The following RNF212 variants were observed in gnomAD, a reference collection of about 807,000 sequenced individuals.
The protein encoded by RNF212 is ring finger protein 212.
In RNF212, 33 loss-of-function variants were observed where a neutral mutation model predicts 34.7. That is an observed-to-expected ratio of 0.95 (90% CI 0.72 to 1.27). The LOEUF is 1.27. RNF212 is among the 50% of genes most tolerant of loss of function. The pLI is 0.00. For synonymous variants in RNF212, 140 were observed against 136.1 expected (o/e 1.03, Z -0.20); for missense variants, 377 against 362.2 (o/e 1.04, Z -0.33).
chr4:1,093,558 G>A lies in RNF212; in HGVS notation c.247-2720C>T, dbSNP rs571602615. ...GCCTGTGACCTCCACGGCCCATGCC[G>A]GAAGCCTGAGAGGCACGAGAGGCAG... On this transcript the variant is annotated intron_variant, in intron 3 of 9. Coordinates refer to ENST00000433731, the MANE Select transcript of RNF212 (RefSeq NM_001131034.4). The A allele has an allele frequency of 2.3e-5, 35 of 1,535,970 alleles. No homozygotes were observed. In the African/African-American group the frequency reaches 3.0e-4, roughly 13 times the overall value.
intron 2 of RNF212, 26 bp from the exon 3 acceptor site, chr4:1,096,865 A>C: frequency 6.5e-7 from 1 of 1,532,212 alleles, no homozygotes; most frequent in Non-Finnish European, 9.1e-7. Context: ...ATGACTCTAC[A>C]TTTATTGTGT....
rs1157659488 is a variant in RNF212 at position 1,090,849 on chromosome 4, C to G, written c.247-11G>C. On this transcript the variant is annotated splice_polypyrimidine_tract_variant and intron_variant, in intron 3 of 9. Coordinates refer to ENST00000433731, the MANE Select transcript of RNF212 (RefSeq NM_001131034.4). ...TTGAAATTCTAAAATCTGAAAAGAT[C>G]ATAGGTTTCAGCTGCTGACACAGAT... 1.9e-6 allele frequency: 3 copies of G among 1,568,682 alleles called. No individual in the cohort carries two copies. Among genetic ancestry groups the G allele is most frequent in the Admixed American group, 3.3e-5 (2 of 59,790 alleles).
intron 3 of RNF212, among the ~76,000 whole-genome samples, chr4:1,094,801 C>T (rs556570196): frequency 2.0e-5 from 3 of 152,258 alleles, no homozygotes; most frequent in South Asian, 2.1e-4. Flanking sequence ...GAGATTCTAA[C>T]GTGTGAATAT....
Position 1,073,622 on chromosome 4 carries a change from C to T in RNF212, c.551G>A (p.Ser184Asn), listed in dbSNP as rs746179974. The change falls in exon 9 of 10, where the codon AGT becomes AAT. Residue 184 changes from serine (S) to asparagine (N), a missense_variant. By Grantham distance (46) the Ser-to-Asn change is conservative. Transcript: ENST00000433731. ...ACCCATTCGTCCATCTTGAGGTGGA[C>T]TAATCATGGAGATTCTCGCAGGGCC... is the stretch of plus-strand genomic sequence containing the variant. ...AAGPARISMI[S>N]PPQDGRMGPH... 3 of 1,611,846 alleles carry T rather than the reference C, an allele frequency of 1.9e-6. No individual in the cohort carries two copies. Among genetic ancestry groups the T allele is most frequent in the Admixed American group, 3.3e-5 (2 of 59,956 alleles).
At chr4:1,081,529 T>C (rs2153043347) in intron 6 of RNF212, 38 bp downstream of exon 6, 2 of 1,604,404 alleles carry the variant, frequency 1.2e-6, no homozygotes, top group Non-Finnish European at 1.7e-6. Flanking sequence ...GCAACATGCA[T>C]CTCTATTTTG....
intron 8 of RNF212, among the ~76,000 whole-genome samples, chr4:1,076,941 G>A (rs1719401904): frequency 6.6e-6 from 1 of 152,148 alleles, no homozygotes; most frequent in Admixed American, 6.5e-5. Context: ...TTACTATCTG[G>A]CCCTTTACAA....
chr4:1,058,487 G>A (rs1717509722), intron 3 of RNF212: 1 of 453,358 alleles, frequency 2.2e-6, no homozygotes, highest in Non-Finnish European at 2.9e-6. Flanking sequence ...GAGCTTCTCC[G>A]TAGCTGTCAC....
chr4:1,101,233 C>T, intron 2 of RNF212: 1 of 317,750 alleles, frequency 3.1e-6, no homozygotes, highest in Non-Finnish European at 6.2e-6. Flanking sequence ...CTCTACACAC[C>T]CCATCTTCCT....
In RNF212 at chr4:1,060,114, GAAA is replaced by G. The variant is rs1291731669; in HGVS notation, n.148-1724_148-1722del. On this transcript the variant is annotated intron_variant and non_coding_transcript_variant, in intron 3 of 4. Transcript: ENST00000503206. ...AACTCCATCAAAAAAAAAAAAAAAA[GAAA>G]AAAGAAATTGTTTCCTATTTACTCA... Among the ~76,000 whole-genome samples the G allele has an allele frequency of 4.6e-3, 63 of 13,834 alleles. 1 individual carries two copies. Among genetic ancestry groups the G allele is most frequent in the Middle Eastern group, 0.033 (1 of 30 alleles). The allele number at this position is 13,834 out of a possible 152,430, so 9.1% of individuals were successfully genotyped here. A position where few individuals can be genotyped will look rare whatever the true frequency, so the allele number is the denominator to read the frequency against.
intron 6 of RNF212, 32 bp downstream of exon 6, chr4:1,081,535 T>A (rs768556013): frequency 6.2e-7 from 1 of 1,607,584 alleles, no homozygotes; most frequent in East Asian, 2.2e-5. Flanking sequence ...TGCATCTCTA[T>A]TTTGTTCTCT....
At chr4:1,094,045 AG>A in intron 3 of RNF212, 10 of 1,359,744 alleles carry the variant, frequency 7.4e-6, no homozygotes, top group Non-Finnish European at 9.7e-6. Context: ...TTCAGAAGCA[AG>A]GAAGCTCCCA....
At chr4:1,067,947 G>A (rs1358389937), downstream of RNF212, among the ~76,000 whole-genome samples, 3 of 151,740 alleles carry the variant, frequency 2.0e-5, no homozygotes, top group African/African-American at 7.3e-5. Context: ...AAATTGCTGA[G>A]GATTCTTGAG....
intron 8 of RNF212, 100 bp downstream of exon 8, chr4:1,079,543 T>A (rs1294638045): frequency 1.2e-6 from 1 of 839,512 alleles, no homozygotes; most frequent in Non-Finnish European, 2.1e-6. Context: ...GCAAAGTCTG[T>A]CTACTGTTGC....
intron 3 of RNF212, among the ~76,000 whole-genome samples, chr4:1,065,616 C>T (rs544444207): frequency 3.3e-5 from 5 of 151,972 alleles, no homozygotes; most frequent in South Asian, 2.1e-4. Flanking sequence ...CACAGGTTTA[C>T]GCCACCAGCC....
At chr4:1,063,439 G>A (rs1187383516) in intron 3 of RNF212, among the ~76,000 whole-genome samples, 3 of 152,172 alleles carry the variant, frequency 2.0e-5, no homozygotes, top group Non-Finnish European at 4.4e-5. Context: ...GGCTGGGTAC[G>A]GTGGCTCATG....
Position 1,081,475 on chromosome 4 carries a change from A to G in RNF212, c.416-8T>C, listed in dbSNP as rs761427581. 1.6e-5 allele frequency: 26 copies of G among 1,613,732 alleles called. No individual in the cohort carries two copies. The highest frequency in any genetic ancestry group is 1.6e-4 in the Middle Eastern group (1 of 6,084). ...GGCATCCGTGTGGTTTTGCTGGAAG[A>G]GTGATGACGAAAATGCCAGCGTCAG... is the stretch of plus-strand genomic sequence containing the variant. On this transcript the variant is annotated splice_polypyrimidine_tract_variant and splice_region_variant and intron_variant, in intron 6 of 9. Transcript: ENST00000433731.
chr4:1,109,926 CTCCTT>C (rs1725398715), intron 1 of RNF212, among the ~76,000 whole-genome samples: 1 of 152,214 alleles, frequency 6.6e-6, no homozygotes, highest in African/African-American at 2.4e-5. Context: ...CCAGAATTGT[CTCCTT>C]TCCTCTCTTC....
intron 4 of RNF212, among the ~76,000 whole-genome samples, chr4:1,057,243 C>T (rs576011266): frequency 5.8e-4 from 88 of 152,172 alleles, no homozygotes; most frequent in Middle Eastern, 3.4e-3. Flanking sequence ...GAGGTGGGGG[C>T]GTGAGAGAAC....
rs563876081 is a variant in RNF212, at chr4:1,079,235, CCAACACAGGGT to C, written c.510+397_510+407del. 1.3e-4 allele frequency among the ~76,000 whole-genome samples: 19 copies of C among 151,882 alleles called. No individual in the cohort carries two copies. In the South Asian group the frequency reaches 2.9e-3, roughly 23 times the overall value. On this transcript the variant is annotated intron_variant, in intron 8 of 9. Coordinates refer to ENST00000433731, the MANE Select transcript of RNF212 (RefSeq NM_001131034.4). ...GAGTCAACACAGGACCAACATGGGA[CCAACACAGGGT>C]CAACACAGGACCAACATGGGACCAA...
Sources: allele counts gnomAD v4.1 joint callset (sites outside exome capture counted in the v4.1 genomes callset), GRCh38; gene constraint gnomAD v4.1.1; transcripts MANE v1.5; gene names NCBI Gene and HGNC (gene_info 2026-07-23, HGNC 2026-07-21).